Variants in GLIS3 observed in about 807,000 individuals in gnomAD.
GLIS3 encodes zinc finger protein GLIS3.
In GLIS3, 53 loss-of-function variants were observed where a neutral mutation model predicts 78.6. That is an observed-to-expected ratio of 0.67 (90% CI 0.54 to 0.85). GLIS3 has a LOEUF of 0.85. GLIS3 is among the 40% of genes least tolerant of loss of function. GLIS3 has a pLI of 0.00. For missense variants in GLIS3, 1,703 were observed against 1,231.1 expected (o/e 1.38, Z -5.74); for synonymous variants, 684 against 509.9 (o/e 1.34, Z -4.60).
intron 2 of GLIS3, among the ~76,000 whole-genome samples, chr9:4,146,587 G>T (rs1416132469): frequency 6.6e-6 from 1 of 152,022 alleles, no homozygotes; most frequent in South Asian, 2.1e-4. Flanking sequence ...AGATTGAAAA[G>T]AATAAAAGTC....
At chr9:4,181,941 C>A (rs1390033597) in intron 2 of GLIS3, among the ~76,000 whole-genome samples, 1 of 152,176 alleles carries the variant, frequency 6.6e-6, no homozygotes, top group Non-Finnish European at 1.5e-5. Context: ...TCAGTCAACC[C>A]ACAGAATTGT....
At chr9:4,251,929 G>T (rs1824434840) in intron 2 of GLIS3, among the ~76,000 whole-genome samples, 1 of 152,106 alleles carries the variant, frequency 6.6e-6, no homozygotes, top group African/African-American at 2.4e-5. Flanking sequence ...GTTTAATATT[G>T]GCCCCCACTC....
At chr9:4,172,711 A>G (rs774351612) in intron 2 of GLIS3, among the ~76,000 whole-genome samples, 4 of 152,212 alleles carry the variant, frequency 2.6e-5, no homozygotes, top group Non-Finnish European at 5.9e-5. Flanking sequence ...TAGGGTGAGG[A>G]AAGTCTATAA....
chr9:3,963,832 C>T lies in GLIS3; in HGVS notation c.1711-26643G>A, dbSNP rs575655600. 6.6e-5 allele frequency among the ~76,000 whole-genome samples: 10 copies of T among 152,076 alleles called. No homozygotes were observed. The South Asian group carries it at 1.9e-3, about 29-fold the overall frequency. On this transcript the variant is annotated intron_variant, in intron 4 of 10. Transcript: ENST00000381971. Reference sequence around the variant, plus strand: ...GTACAGAAACTGTAAATAAGCCCTTCGGAGACAGTGCTGGCAAGGGCCTTC... The same window carrying T: ...GTACAGAAACTGTAAATAAGCCCTTTGGAGACAGTGCTGGCAAGGGCCTTC...
At chr9:4,265,383 T>C (rs1054920741) in intron 2 of GLIS3, among the ~76,000 whole-genome samples, 1 of 144,748 alleles carries the variant, frequency 6.9e-6, no homozygotes, top group African/African-American at 2.7e-5. Context: ...ATGAGGTAGG[T>C]ACAGATATTA....
intron 2 of GLIS3, among the ~76,000 whole-genome samples, chr9:4,323,236 T>A (rs887959949): frequency 6.6e-6 from 1 of 152,212 alleles, no homozygotes; most frequent in African/African-American, 2.4e-5. Flanking sequence ...ATGTGTGATA[T>A]CAAACTATAC....
chr9:4,117,921 C>T lies in GLIS3; in HGVS notation c.1557G>A (p.Arg519=), dbSNP rs749956126. 1.9e-6 allele frequency: 3 copies of T among 1,614,148 alleles called. No homozygotes were observed. Among genetic ancestry groups the T allele is most frequent in the East Asian group, 2.2e-5 (1 of 44,860 alleles). ...GGTCGATGTGGACCTTCTCGATGTG[C>T]CGCACGAGCTCCTCCTGCTGGTCGT... ...ALYDQQEELV[R]HIEKVHIDQR... Residue 519 remains arginine, a synonymous_variant, in exon 4 of 11, where the codon CGG becomes CGA. Transcript: ENST00000381971.
chr9:4,117,938 G>C lies in GLIS3; in HGVS notation c.1540C>G (p.Gln514Glu). 1 of 1,614,106 alleles carries C rather than the reference G, an allele frequency of 6.2e-7. No individual in the cohort carries two copies. The highest frequency in any genetic ancestry group is 8.5e-7 in the Non-Finnish European group (1 of 1,180,042). Residue 514 changes from glutamine (Q) to glutamate (E), a missense_variant, in exon 4 of 11, where the codon CAG becomes GAG. Coordinates refer to ENST00000381971, the MANE Select transcript of GLIS3 (RefSeq NM_001042413.2). ...WIDCSALYDQ[Q>E]EELVRHIEKV... ...TCGATGTGCCGCACGAGCTCCTCCT[G>C]CTGGTCGTACAGGGCGCTGCAGTCG...
chr9:4,477,673 C>A, the GLIS3 span, among the ~76,000 whole-genome samples: 3 of 152,096 alleles, frequency 2.0e-5, no homozygotes, highest in African/African-American at 7.2e-5. Context: ...CTGGGCCTCC[C>A]AAAGTGCTGG....
At chr9:4,482,676 T>C in the GLIS3 span, among the ~76,000 whole-genome samples, 2 of 152,352 alleles carry the variant, frequency 1.3e-5, no homozygotes, top group East Asian at 3.9e-4. Context: ...AATGCCCTTT[T>C]CATTTGTATC....
At chr9:3,850,816 C>T (rs1167675459) in intron 9 of GLIS3, among the ~76,000 whole-genome samples, 1 of 152,202 alleles carries the variant, frequency 6.6e-6, no homozygotes, top group Non-Finnish European at 1.5e-5. Context: ...GCCACGGTGT[C>T]ATTTCCGTTC....
At chr9:4,287,749 A>T (rs956397747) in intron 1 of GLIS3, among the ~76,000 whole-genome samples, 4 of 152,224 alleles carry the variant, frequency 2.6e-5, no homozygotes, top group African/African-American at 9.6e-5. Context: ...AATCGAGAAA[A>T]GGCTATCAAG....
chr9:4,404,582 A>C, the GLIS3 span, among the ~76,000 whole-genome samples: 2 of 152,210 alleles, frequency 1.3e-5, no homozygotes, highest in Admixed American at 6.5e-5. Flanking sequence ...GAAACTATAT[A>C]AACACATGAT....
intron 8 of GLIS3, among the ~76,000 whole-genome samples, 156 bp from the exon 9 acceptor site, chr9:3,856,340 T>G (rs991507334): frequency 9.9e-5 from 15 of 152,056 alleles, no homozygotes; most frequent in African/African-American, 3.6e-4. Flanking sequence ...TTCTCTACCC[T>G]CTCTCCCTCC....
chr9:4,171,652 T>A (rs1327356649), intron 2 of GLIS3, among the ~76,000 whole-genome samples: 1 of 152,202 alleles, frequency 6.6e-6, no homozygotes, highest in Non-Finnish European at 1.5e-5. Context: ...AGTCATCACA[T>A]GATATAAAAT....
intron 6 of GLIS3, among the ~76,000 whole-genome samples, chr9:3,901,415 C>G (rs10974071): frequency 1.3e-5 from 2 of 152,120 alleles, no homozygotes; most frequent in African/African-American, 4.8e-5. Flanking sequence ...AGCTTGAAAT[C>G]GGTCATAGTG....
the GLIS3 span, among the ~76,000 whole-genome samples, chr9:4,376,038 A>C: frequency 5.9e-5 from 9 of 152,222 alleles, no homozygotes; most frequent in African/African-American, 2.2e-4. Flanking sequence ...CATATGAGAC[A>C]TATGCTGAAT....
At chr9:4,335,759 C>T (rs1452214679) in intron 2 of GLIS3, among the ~76,000 whole-genome samples, 1 of 152,190 alleles carries the variant, frequency 6.6e-6, no homozygotes, top group Non-Finnish European at 1.5e-5. Flanking sequence ...TCAGAACACA[C>T]TTGGCATCCC....
the GLIS3 span, among the ~76,000 whole-genome samples, chr9:4,408,693 C>G: frequency 7.9e-6 from 1 of 125,836 alleles, no homozygotes; most frequent in Non-Finnish European, 1.6e-5. Context: ...CGCCACCGCA[C>G]TCCAGCCTGG....
Sources: gnomAD v4.1 joint callset for allele counts (sites outside exome capture counted in the v4.1 genomes callset) on GRCh38, gnomAD v4.1.1 for gene constraint, MANE v1.5 for transcripts, NCBI Gene and HGNC (gene_info 2026-07-23, HGNC 2026-07-21) for gene names.